The following LEO1 variants were observed in gnomAD, a reference collection of about 807,000 sequenced individuals.
The protein encoded by LEO1 is LEO1 component of Paf1/RNA polymerase II complex, also known as RNA polymerase-associated protein LEO1.
LEO1 carries 34 observed loss-of-function variants against 80.4 expected under a neutral mutation model. The ratio of observed to expected loss-of-function variants is 0.42; its 90% CI spans 0.32 to 0.56. LEO1 has a LOEUF of 0.56. Ranked by LOEUF, LEO1 falls within the 20% of genes least tolerant of loss-of-function variation. LEO1 has a pLI of 0.10. For synonymous variants in LEO1, 262 were observed against 274.9 expected (o/e 0.95, Z 0.46); for missense variants, 631 against 814.2 (o/e 0.77, Z 2.74).
chr15:51,966,311 T>G lies in LEO1; in HGVS notation c.252A>C (p.Ser84=), dbSNP rs1336901078. 2.5e-6 allele frequency: 4 copies of G among 1,614,102 alleles called. No individual in the cohort carries two copies. Among genetic ancestry groups the G allele is most frequent in the Non-Finnish European group, 3.4e-6 (4 of 1,180,044 alleles). Reference sequence around the variant, plus strand: ...GCTCAGAAGCTTCTGATCTATTGTCTGATCTTTCAGAGTGATTATCACTAC... The same window carrying G: ...GCTCAGAAGCTTCTGATCTATTGTCGGATCTTTCAGAGTGATTATCACTAC... The part of the protein sequence containing the change: ...HSGSDNHSER[S]DNRSEASERS... Residue 84 remains serine (S), a synonymous_variant, in exon 2 of 12, where the codon TCA becomes TCC. Coordinates refer to ENST00000299601, the MANE Select transcript of LEO1 (RefSeq NM_138792.4).
At chr15:51,954,688 ATG>A (rs2056974650) in intron 6 of LEO1, 113 bp from the exon 7 acceptor site, 1 of 707,296 alleles carries the variant, frequency 1.4e-6, no homozygotes, top group Admixed American at 2.2e-5. Context: ...TGACAGATGT[ATG>A]TGTGGCAGGA....
chr15:51,960,908 G>C (rs2057024980), intron 3 of LEO1, among the ~76,000 whole-genome samples, 175 bp from the exon 4 acceptor site: 1 of 152,124 alleles, frequency 6.6e-6, no homozygotes, highest in South Asian at 2.1e-4. Flanking sequence ...AGAGGGAAGG[G>C]GGCAAATCTA....
intron 11 of LEO1, 174 bp downstream of exon 11, chr15:51,947,118 G>A (rs939606985): frequency 3.2e-6 from 2 of 624,602 alleles, no homozygotes; most frequent in Admixed American, 5.7e-5. Context: ...TCTAAGCACA[G>A]GTATCAGATC....
intron 7 of LEO1, among the ~76,000 whole-genome samples, chr15:51,953,526 A>G (rs1043032198): frequency 1.3e-5 from 2 of 152,110 alleles, no homozygotes; most frequent in Non-Finnish European, 2.9e-5. Flanking sequence ...AGGCTGAGAC[A>G]GGATAACTGC....
chr15:51,963,975 A>G (rs1244936155), intron 2 of LEO1, among the ~76,000 whole-genome samples: 1 of 151,562 alleles, frequency 6.6e-6, no homozygotes, highest in Non-Finnish European at 1.5e-5. Context: ...GGGAGGCCGA[A>G]GCAGGCGGAT....
At chr15:51,971,576 G>C (rs1020230721) in intron 1 of LEO1, 112 bp downstream of exon 1, 25 of 1,043,304 alleles carry the variant, frequency 2.4e-5, no homozygotes, top group Admixed American at 3.5e-5. Flanking sequence ...CGCTGAGGCA[G>C]GAGTGGAGGA....
At chr15:51,964,112 A>G (rs1172969316) in intron 2 of LEO1, among the ~76,000 whole-genome samples, 2 of 151,908 alleles carry the variant, frequency 1.3e-5, no homozygotes, top group Non-Finnish European at 2.9e-5. Flanking sequence ...AGGCTGAGGC[A>G]GGAGAATGGC....
intron 6 of LEO1, among the ~76,000 whole-genome samples, chr15:51,956,047 T>G (rs1347368520): frequency 1.3e-5 from 2 of 152,186 alleles, no homozygotes; most frequent in African/African-American, 4.8e-5. Flanking sequence ...GGTGTATGTT[T>G]GAAATTTTCA....
At chr15:51,970,154 A>G (rs891992849) in intron 1 of LEO1, among the ~76,000 whole-genome samples, 1 of 152,100 alleles carries the variant, frequency 6.6e-6, no homozygotes, top group Non-Finnish European at 1.5e-5. Context: ...AAACATGTAC[A>G]TGAATTTATT....
intron 2 of LEO1, among the ~76,000 whole-genome samples, chr15:51,963,441 A>C (rs1823386982): frequency 1.3e-5 from 2 of 152,206 alleles, no homozygotes; most frequent in South Asian, 4.1e-4. Flanking sequence ...CCAATTATTT[A>C]CGTAAAAATG....
At chr15:51,945,983 G>A (rs1333463030) in intron 11 of LEO1, among the ~76,000 whole-genome samples, 1 of 151,388 alleles carries the variant, frequency 6.6e-6, no homozygotes, top group African/African-American at 2.4e-5. Flanking sequence ...GCAGTGAACC[G>A]AGATCACGCC....
intron 9 of LEO1, among the ~76,000 whole-genome samples, chr15:51,950,820 C>A (rs986558381): frequency 3.9e-5 from 6 of 152,118 alleles, no homozygotes; most frequent in Non-Finnish European, 8.8e-5. Flanking sequence ...TTCACAGGAG[C>A]TGGGGACATG....
At chr15:51,952,662 G>A (rs1194564228) in intron 8 of LEO1, among the ~76,000 whole-genome samples, 1 of 152,146 alleles carries the variant, frequency 6.6e-6, no homozygotes, top group Non-Finnish European at 1.5e-5. Flanking sequence ...CCTCTTGGGG[G>A]ACACACCTCT....
In LEO1 at chr15:51,966,263, G is replaced by A. The variant is rs768570522; in HGVS notation, c.300C>T (p.Asp100=). The change falls in exon 2 of 12, where the codon GAC becomes GAT. Residue 100 remains aspartate, a synonymous_variant. Transcript: ENST00000299601. ...CACTGTGCTGATCTACATCTGAGGG[G>A]TCATTGTCCTCATGGTCAGAACGCT... The part of the protein sequence containing the change: ...ASERSDHEDN[D]PSDVDQHSGS... 1.9e-6 allele frequency: 3 copies of A among 1,613,804 alleles called. No individual in the cohort carries two copies. Among genetic ancestry groups the A allele is most frequent in the South Asian group, 2.2e-5 (2 of 91,084 alleles).
At chr15:51,969,735 G>C in intron 1 of LEO1, among the ~76,000 whole-genome samples, 1 of 151,326 alleles carries the variant, frequency 6.6e-6, no homozygotes, top group Admixed American at 6.6e-5. Flanking sequence ...ACAGCTACTC[G>C]GGAGGTTAAG....
At position 51,944,530 on chromosome 15, in the gene LEO1, A is replaced by T. The variant is rs558125726; in HGVS notation, c.1896+2762T>A. 7.2e-4 allele frequency among the ~76,000 whole-genome samples: 110 copies of T among 152,284 alleles called. No individual in the cohort carries two copies. In the Middle Eastern group the frequency reaches 0.01, roughly 14 times the overall value. On this transcript the variant is annotated intron_variant, in intron 11 of 11. Transcript: ENST00000299601. ...GTAAAGGATAGAAATAAGAATTTTT[A>T]AAAAATTATTTATAATTTTTAATTG... is the stretch of plus-strand genomic sequence containing the variant.
rs114649602 is a variant in LEO1 at position 51,938,168 on chromosome 15, T to A, written c.1989A>T (p.Glu663Asp). Residue 663 changes from glutamate to aspartate, a missense_variant, in exon 12 of 12, where the codon GAA becomes GAT. Physicochemically the swap from Glu to Asp is conservative, Grantham distance 45. Coordinates refer to ENST00000299601, the MANE Select transcript of LEO1 (RefSeq NM_138792.4). Reference protein sequence around the residue: ...KKYVISDEEEEDDD With the variant: ...KKYVISDEEEDDDD ...CATATTTCATACTTCAATCATCATC[T>A]TCTTCCTCTTCATCGCTGATCACAT... 496 of 1,560,722 alleles carry A rather than the reference T, an allele frequency of 3.2e-4. 1 individual carries two copies. The East Asian group carries it at 7.5e-3, about 24-fold the overall frequency.
Position 51,966,407 on chromosome 15 carries a change from A to T in LEO1, c.156T>A (p.Asp52Glu). The change falls in exon 2 of 12, where the codon GAT becomes GAA. Residue 52 changes from aspartate to glutamate, a missense_variant. By Grantham distance (45) the Asp-to-Glu change is conservative. This residue lies in a region of LEO1 where 394 missense variants were observed against 395.6 expected (regional missense o/e 1.00). Coordinates refer to ENST00000299601, the MANE Select transcript of LEO1 (RefSeq NM_138792.4). ...GTTCCTTATTACTTGGTTGTCCTGAATCACCTCTTTCATCCTGATCACTTT... is the reference window on the plus strand; with the variant it reads ...GTTCCTTATTACTTGGTTGTCCTGATTCACCTCTTTCATCCTGATCACTTT... ...GSESDQDERG[D>E]SGQPSNKELF... is the part of the protein sequence containing the mutation. 1.2e-6 allele frequency: 2 copies of T among 1,614,174 alleles called. No individual in the cohort carries two copies. Among genetic ancestry groups the T allele is most frequent in the South Asian group, 2.2e-5 (2 of 91,088 alleles).
In LEO1 at chr15:51,938,098, T is replaced by A. The variant is rs2056816151; in HGVS notation, c.*58A>T. 1 of 814,402 alleles carries A rather than the reference T, an allele frequency of 1.2e-6. No homozygotes were observed. The allele number at this position is 814,402 out of a possible 1,614,324, so 50.4% of individuals were successfully genotyped here. On this transcript the variant is annotated 3_prime_UTR_variant, in exon 12 of 12. Coordinates refer to ENST00000299601, the MANE Select transcript of LEO1 (RefSeq NM_138792.4). ...GATTCATTTCAATCAAAATAACTCA[T>A]GTTTACATATTTATAACTGTACAAT...
Sources: allele counts gnomAD v4.1 joint callset (sites outside exome capture counted in the v4.1 genomes callset), GRCh38; gene constraint gnomAD v4.1.1; regional missense constraint gnomAD v4.1.1; transcripts MANE v1.5; gene names NCBI Gene and HGNC (gene_info 2026-07-23, HGNC 2026-07-21).